Variants in VWA2 observed in about 807,000 individuals in gnomAD.
The protein encoded by VWA2 is von Willebrand factor A domain containing 2.
VWA2 carries 73 observed loss-of-function variants against 70.4 expected under a neutral mutation model. The ratio of observed to expected loss-of-function variants is 1.04; its 90% confidence interval spans 0.86 to 1.26. VWA2 has a LOEUF of 1.26. Among genes scored for constraint, VWA2 ranks in the 50% most tolerant of loss-of-function variants. The probability of loss-of-function intolerance (pLI) is 0.00; values close to 1 mark genes in which losing one functional copy is unlikely to be tolerated. For missense variants in VWA2, 1,011 were observed against 998.5 expected (o/e 1.01, Z -0.17); for synonymous variants, 407 against 423.3 (o/e 0.96, Z 0.47).
intron 11 of VWA2, among the ~76,000 whole-genome samples, chr10:114,287,609 C>G (rs2039067560): frequency 6.6e-6 from 1 of 152,146 alleles, no homozygotes; most frequent in South Asian, 2.1e-4. Flanking sequence ...GGCGGAAGGA[C>G]AGGGATTGGC....
At chr10:114,289,753 G>C (rs1267884313) in intron 12 of VWA2, 1 of 524,850 alleles carries the variant, frequency 1.9e-6, no homozygotes. Flanking sequence ...CCTTTAAACA[G>C]AACACACTTT....
In VWA2 at chr10:114,248,755, GT is replaced by G; in HGVS notation, c.46del (p.Ser16ProfsTer14). On this transcript the variant is annotated frameshift_variant, in exon 2 of 14. Transcript: ENST00000392982. LOFTEE classifies it high-confidence loss of function. ...LLLEAVCVFL[F>X]SRVPPSLPLQ... ...TGCTGGAAGCCGTCTGTGTTTTCCT[GT>G]TTTCCAGAGGTAAGATGTGTTTATT... is the stretch of plus-strand genomic sequence containing the variant. The G allele has an allele frequency of 6.2e-7, 1 of 1,613,654 alleles. No individual in the cohort carries two copies. Among genetic ancestry groups the G allele is most frequent in the Non-Finnish European group, 8.5e-7 (1 of 1,179,634 alleles).
intron 1 of VWA2, among the ~76,000 whole-genome samples, chr10:114,247,078 G>A (rs750406441): frequency 9.2e-5 from 14 of 152,090 alleles, no homozygotes; most frequent in African/African-American, 1.4e-4. Context: ...TGACTCGATC[G>A]GTTAAGGAGC....
intron 7 of VWA2, 75 bp downstream of exon 7, chr10:114,278,122 G>A: frequency 6.5e-7 from 1 of 1,543,864 alleles, no homozygotes; most frequent in Admixed American, 1.8e-5. Context: ...AAGAGGTCAG[G>A]ACCCAGGAGC....
Position 114,253,500 on chromosome 10 carries a change from C to T in VWA2, c.53-151C>T, listed in dbSNP as rs374046709. 2.6e-3 allele frequency: 1,734 copies of T among 674,116 alleles called. 24 individuals carry two copies. Among genetic ancestry groups the T allele is most frequent in the South Asian group, 0.016 (822 of 52,354 alleles). The allele number at this position is 674,116 out of a possible 1,614,324, so 41.8% of individuals were successfully genotyped here. A position where few individuals can be genotyped will look rare whatever the true frequency, so the allele number is the denominator to read the frequency against. ...AATTGGGGGGTTTCTTTATGTTATC[C>T]GTCTGGTAATTTTTGAGATGCAAGA... On this transcript the variant is annotated intron_variant, in intron 2 of 13. Transcript: ENST00000392982.
intron 1 of VWA2, among the ~76,000 whole-genome samples, chr10:114,247,940 C>G (rs1295397662): frequency 2.0e-5 from 3 of 151,728 alleles, no homozygotes; most frequent in African/African-American, 2.4e-5. Flanking sequence ...AAAAAAACTT[C>G]TCAAAAAATA....
intron 8 of VWA2, chr10:114,280,952 GCTGGTCTT>G (rs983250690): frequency 1.3e-5 from 2 of 152,052 alleles, no homozygotes; most frequent in African/African-American, 4.8e-5. Context: ...TGTTGCCCGG[GCTGGTCTT>G]AAACTCCTGA....
chr10:114,286,352 C>G lies in VWA2; in HGVS notation c.1411C>G (p.Arg471Gly). ...VAGPARHARA[R>G]ELLLLGVGSE... Reference sequence around the variant, plus strand: ...GGGCCCAGCGCGTCACGCAAGGGCGCGAGAGCTGCTCCTGCTGGGTGTAGG... The same window carrying G: ...GGGCCCAGCGCGTCACGCAAGGGCGGGAGAGCTGCTCCTGCTGGGTGTAGG... Residue 471 changes from arginine to glycine, a missense_variant, in exon 11 of 14, where the codon CGA (arginine) becomes GGA (glycine). Coordinates refer to ENST00000392982, the MANE Select transcript of VWA2 (RefSeq NM_001272046.2). 6.2e-7 allele frequency: 1 copy of G among 1,613,636 alleles called. No homozygotes were observed. The highest frequency in any genetic ancestry group is 8.5e-7 in the Non-Finnish European group (1 of 1,179,922).
intron 8 of VWA2, among the ~76,000 whole-genome samples, chr10:114,282,205 T>C (rs1012713436): frequency 6.6e-6 from 1 of 152,132 alleles, no homozygotes; most frequent in African/African-American, 2.4e-5. Flanking sequence ...GGCTTCACCA[T>C]GTAGGCCAGG....
rs1280430259 is a variant in VWA2 at position 114,284,846 on chromosome 10, G to A, written c.890-17G>A. On this transcript the variant is annotated splice_polypyrimidine_tract_variant and intron_variant, in intron 9 of 13. Coordinates refer to ENST00000392982, the MANE Select transcript of VWA2 (RefSeq NM_001272046.2). The stretch of plus-strand genomic sequence containing the variant: ...TGTGCTGCGGTGCTTAGCGGTTAAT[G>A]GGCATCTCTCTGATAGGCCCCTGTG... The A allele has an allele frequency of 1.3e-6, 2 of 1,597,540 alleles. No individual in the cohort carries two copies. The highest frequency in any genetic ancestry group is 2.3e-5 in the South Asian group (2 of 87,856).
intron 5 of VWA2, among the ~76,000 whole-genome samples, chr10:114,269,367 G>A (rs1262514713): frequency 6.6e-6 from 1 of 152,174 alleles, no homozygotes; most frequent in African/African-American, 2.4e-5. Flanking sequence ...GATCACCTGA[G>A]GTCAGGAGTT....
intron 2 of VWA2, 115 bp from the exon 3 acceptor site, chr10:114,253,536 C>A: frequency 2.3e-6 from 2 of 851,146 alleles, no homozygotes; most frequent in Admixed American, 2.4e-5. Flanking sequence ...ATCATCACTC[C>A]CCCACATTCT....
Position 114,253,727 on chromosome 10 carries a change from T to C in VWA2, c.127+2T>C. On this transcript the variant is annotated splice_donor_variant, in intron 3 of 13. Coordinates refer to ENST00000392982, the MANE Select transcript of VWA2 (RefSeq NM_001272046.2). LOFTEE classifies it high-confidence loss of function. Reference sequence around the variant, plus strand: ...GGAAGATTTCAGCTGCCAGCAAAAGTAAGCCCAGGTTCTTCTTAACCCTCC... The same window carrying C: ...GGAAGATTTCAGCTGCCAGCAAAAGCAAGCCCAGGTTCTTCTTAACCCTCC... The C allele has an allele frequency of 1.9e-6, 3 of 1,612,216 alleles. No homozygotes were observed. The highest frequency in any genetic ancestry group is 2.5e-6 in the Non-Finnish European group (3 of 1,179,664).
chr10:114,255,143 T>C (rs2037296404), intron 4 of VWA2, 95 bp downstream of exon 4: 1 of 1,518,542 alleles, frequency 6.6e-7, no homozygotes, highest in Admixed American at 1.7e-5. Flanking sequence ...TACTCGCTTG[T>C]GGAGCTGGGA....
chr10:114,252,477 C>T lies in VWA2; in HGVS notation c.53-1174C>T, dbSNP rs377026471. 4.6e-5 allele frequency among the ~76,000 whole-genome samples: 7 copies of T among 152,136 alleles called. No individual in the cohort carries two copies. In the East Asian group the frequency reaches 7.7e-4, roughly 17 times the overall value. ...CGGGAAAGACAGAGCTGGAACCAGC[C>T]GAGGCAGTGCTGAGTTAGTAGGTTG... is the stretch of plus-strand genomic sequence containing the variant. On this transcript the variant is annotated intron_variant, in intron 2 of 13. Coordinates refer to ENST00000392982, the MANE Select transcript of VWA2 (RefSeq NM_001272046.2).
chr10:114,277,709 G>T (rs766294139), intron 6 of VWA2, among the ~76,000 whole-genome samples: 1 of 152,102 alleles, frequency 6.6e-6, no homozygotes, highest in Non-Finnish European at 1.5e-5. Context: ...TACCAGCTAT[G>T]CTTGCTTGTT....
At chr10:114,264,584 A>AT (rs1183723499) in intron 5 of VWA2, among the ~76,000 whole-genome samples, 3 of 150,846 alleles carry the variant, frequency 2.0e-5, no homozygotes, top group African/African-American at 4.9e-5. Flanking sequence ...CGCCCGGCTA[A>AT]TTTTTTTTGT....
intron 5 of VWA2, among the ~76,000 whole-genome samples, chr10:114,267,474 C>G (rs907562155): frequency 6.6e-6 from 1 of 151,596 alleles, no homozygotes; most frequent in Non-Finnish European, 1.5e-5. Context: ...TCTCTGTCAC[C>G]CAGGCTGGAA....
chr10:114,248,540 C>T (rs639870), intron 1 of VWA2, among the ~76,000 whole-genome samples, 164 bp from the exon 2 acceptor site: 31,706 of 152,018 alleles, frequency 0.21, 3,545 homozygotes, highest in African/African-American at 0.28. Context: ...TAAAGTCTTC[C>T]ATGACTTGGG....
Sources: gnomAD v4.1 joint callset for allele counts (sites outside exome capture counted in the v4.1 genomes callset) on GRCh38, gnomAD v4.1.1 for gene constraint, MANE v1.5 for transcripts, NCBI Gene and HGNC (gene_info 2026-07-23, HGNC 2026-07-21) for gene names.